Variants in CNTNAP5 observed in about 807,000 individuals in gnomAD.
CNTNAP5 encodes contactin-associated protein-like 5.
In CNTNAP5, 72 loss-of-function variants were observed where a neutral mutation model predicts 150.2. The ratio of observed to expected loss-of-function variants is 0.48; its 90% CI spans 0.40 to 0.58. CNTNAP5 has a LOEUF of 0.58. Ranked by LOEUF, CNTNAP5 falls within the 20% of genes least tolerant of loss-of-function variation. The pLI is 0.00. For missense variants in CNTNAP5, 1,636 were observed against 1,626.2 expected (o/e 1.01, Z -0.10); for synonymous variants, 672 against 619.8 (o/e 1.08, Z -1.25).
intron 3 of CNTNAP5, among the ~76,000 whole-genome samples, chr2:124,374,643 G>A (rs553564930): frequency 1.3e-5 from 2 of 152,260 alleles, no homozygotes; most frequent in South Asian, 4.1e-4. Context: ...CAGGCGACAT[G>A]CTCATCACTA....
chr2:124,100,827 T>C (rs1448916280), intron 1 of CNTNAP5, among the ~76,000 whole-genome samples: 2 of 141,344 alleles, frequency 1.4e-5, no homozygotes, highest in African/African-American at 2.7e-5. Context: ...ATCACACCAC[T>C]GTACTACAGC....
intron 13 of CNTNAP5, among the ~76,000 whole-genome samples, chr2:124,718,753 C>T (rs1382725770): frequency 6.6e-6 from 1 of 151,912 alleles, no homozygotes. Flanking sequence ...ATCATCCTGG[C>T]CAATATGTCG....
At chr2:124,680,728 G>A (rs1271712730) in intron 13 of CNTNAP5, 3 of 151,830 alleles carry the variant, frequency 2.0e-5, no homozygotes, top group Non-Finnish European at 4.4e-5. Flanking sequence ...TTCAATGTCA[G>A]TTTGAGATAA....
At chr2:124,895,737 C>T (rs1216760715) in intron 21 of CNTNAP5, among the ~76,000 whole-genome samples, 1 of 151,544 alleles carries the variant, frequency 6.6e-6, no homozygotes, top group Non-Finnish European at 1.5e-5. Context: ...CACACATGGA[C>T]ACACATGCAA....
At chr2:124,511,503 A>C (rs1218375164) in intron 8 of CNTNAP5, among the ~76,000 whole-genome samples, 1 of 152,222 alleles carries the variant, frequency 6.6e-6, no homozygotes, top group Non-Finnish European at 1.5e-5. Flanking sequence ...CCTGTGCTCT[A>C]ATCAGATGTA....
chr2:124,666,572 T>A (rs1678705628), intron 13 of CNTNAP5, among the ~76,000 whole-genome samples: 1 of 152,120 alleles, frequency 6.6e-6, no homozygotes, highest in South Asian at 2.1e-4. Context: ...GACAGGGAAT[T>A]CGCTTTTTCA....
chr2:124,246,741 G>A lies in CNTNAP5; in HGVS notation c.381+4348G>A, dbSNP rs562949676. On this transcript the variant is annotated intron_variant, in intron 3 of 23. Coordinates refer to ENST00000682447, the MANE Select transcript of CNTNAP5 (RefSeq NM_001367498.1). Reference sequence around the variant, plus strand: ...TGAGCACAATTCCCACACTGTCAGTGAGGGTCTTCTGCCCTAATTCAATGT... The same window carrying A: ...TGAGCACAATTCCCACACTGTCAGTAAGGGTCTTCTGCCCTAATTCAATGT... Among the ~76,000 whole-genome samples the A allele has an allele frequency of 5.9e-5, 9 of 152,188 alleles. No homozygotes were observed. The East Asian group carries it at 1.5e-3, about 26-fold the overall frequency.
chr2:124,559,806 G>A (rs914941370), intron 10 of CNTNAP5, among the ~76,000 whole-genome samples: 2 of 152,178 alleles, frequency 1.3e-5, no homozygotes, highest in African/African-American at 4.8e-5. Flanking sequence ...TTGGTGTCAT[G>A]TGTCTTTTAT....
intron 1 of CNTNAP5, among the ~76,000 whole-genome samples, chr2:124,123,797 T>A (rs1041354657): frequency 2.0e-5 from 3 of 152,172 alleles, no homozygotes; most frequent in African/African-American, 7.2e-5. Context: ...AAATAGTGTC[T>A]GGAGTGGACC....
In CNTNAP5 at chr2:124,674,511, CTTT is replaced by C. The variant is rs1558730650; in HGVS notation, c.2077+26554_2077+26556del. On this transcript the variant is annotated intron_variant, in intron 13 of 23. Transcript: ENST00000682447. ...CTCTCTACTTCCTTTCTTTCTTTCT[CTTT>C]CTTTCTTTCTTTCTTTCTTTCTTTC... 1.2e-3 allele frequency among the ~76,000 whole-genome samples: 99 copies of C among 83,874 alleles called. 1 individual carries two copies. The highest frequency in any genetic ancestry group is 3.7e-3 in the African/African-American group (92 of 25,004). The allele number at this position is 83,874 out of a possible 152,430, so 55.0% of individuals were successfully genotyped here. A position where few individuals can be genotyped will look rare whatever the true frequency, so the allele number is the denominator to read the frequency against.
intron 1 of CNTNAP5, among the ~76,000 whole-genome samples, chr2:124,034,416 T>C (rs1349547731): frequency 6.6e-6 from 1 of 152,076 alleles, no homozygotes; most frequent in Admixed American, 6.6e-5. Flanking sequence ...GATGGGTGAG[T>C]CACTGCTAAG....
At position 124,417,499 on chromosome 2, in the gene CNTNAP5, A is replaced by G. The variant is rs1223503064; in HGVS notation, c.438A>G (p.Ser146=). Residue 146 remains serine, a synonymous_variant, in exon 4 of 24, where the codon TCA becomes TCG. Transcript: ENST00000682447. ...DSVVHHKLLH[S]VRARFVRFVP... ...TGGTGCACCACAAGCTATTGCACTC[A>G]GTGAGAGCCCGATTTGTTCGCTTTG... The G allele has an allele frequency of 6.2e-7, 1 of 1,613,926 alleles. No individual in the cohort carries two copies. Among genetic ancestry groups the G allele is most frequent in the South Asian group, 1.1e-5 (1 of 91,044 alleles).
At chr2:124,657,503 G>A (rs1002591509) in intron 13 of CNTNAP5, among the ~76,000 whole-genome samples, 3 of 151,996 alleles carry the variant, frequency 2.0e-5, no homozygotes, top group Non-Finnish European at 2.9e-5. Context: ...TACTAGACAA[G>A]TGCAGTAGAT....
At chr2:124,875,472 T>C (rs1463864887) in intron 21 of CNTNAP5, among the ~76,000 whole-genome samples, 1 of 152,062 alleles carries the variant, frequency 6.6e-6, no homozygotes, top group Non-Finnish European at 1.5e-5. Flanking sequence ...TCTCATGTAG[T>C]TAACCATTGT....
intron 13 of CNTNAP5, among the ~76,000 whole-genome samples, chr2:124,671,662 T>C (rs1558729300): frequency 6.6e-6 from 1 of 152,100 alleles, no homozygotes; most frequent in East Asian, 1.9e-4. Context: ...ATTTTTGAGA[T>C]GGGGTCTCAC....
chr2:124,145,837 A>AAAAAAAAAG (rs1684236450), intron 1 of CNTNAP5, among the ~76,000 whole-genome samples: 1 of 46,962 alleles, frequency 2.1e-5, no homozygotes, highest in Admixed American at 2.6e-4. Context: ...AAGAAGAAAA[A>AAAAAAAAAG]AAAAAAAAAT....
At chr2:124,074,815 T>G (rs564956301) in intron 1 of CNTNAP5, among the ~76,000 whole-genome samples, 1 of 152,136 alleles carries the variant, frequency 6.6e-6, no homozygotes, top group African/African-American at 2.4e-5. Flanking sequence ...ATCATCATCA[T>G]CTATTGTCAT....
At chr2:124,513,804 T>C (rs1694646752) in intron 8 of CNTNAP5, among the ~76,000 whole-genome samples, 1 of 152,116 alleles carries the variant, frequency 6.6e-6, no homozygotes, top group Admixed American at 6.6e-5. Flanking sequence ...AGCTGCATCG[T>C]GCAGGATGGA....
At chr2:124,220,619 T>G (rs189579899) in intron 1 of CNTNAP5, among the ~76,000 whole-genome samples, 2 of 152,130 alleles carry the variant, frequency 1.3e-5, no homozygotes, top group African/African-American at 4.8e-5. Context: ...GAACAGAAAT[T>G]TATTGGTTTA....
Sources: gnomAD v4.1 joint callset for allele counts (sites outside exome capture counted in the v4.1 genomes callset) on GRCh38, gnomAD v4.1.1 for gene constraint, MANE v1.5 for transcripts, NCBI Gene and HGNC (gene_info 2026-07-23, HGNC 2026-07-21) for gene names.